Variants in ZFPM2 observed in about 807,000 individuals in gnomAD.
The protein encoded by ZFPM2 is zinc finger protein, FOG family member 2.
ZFPM2 carries 20 observed loss-of-function variants against 98.6 expected under a neutral mutation model. That is an observed-to-expected ratio of 0.20 (90% CI 0.14 to 0.29). The LOEUF (loss-of-function observed/expected upper bound fraction) is 0.29, where lower values mean the gene tolerates loss of function less well. Ranked by LOEUF, ZFPM2 falls within the 10% of genes least tolerant of loss-of-function variation. The probability of loss-of-function intolerance (pLI) is 1.00; values close to 1 mark genes in which losing one functional copy is unlikely to be tolerated. For synonymous variants in ZFPM2, 518 were observed against 502.7 expected, an observed-to-expected ratio of 1.03 and a Z score of -0.41; for missense variants, 1,310 against 1,388.6, an observed-to-expected ratio of 0.94 and a Z score of 0.90.
chr8:105,661,865 T>C (rs992560075), intron 5 of ZFPM2, among the ~76,000 whole-genome samples: 2 of 152,178 alleles, frequency 1.3e-5, no homozygotes, highest in African/African-American at 2.4e-5. Flanking sequence ...ACACGTTTAA[T>C]TGAGTTTTAC....
intron 5 of ZFPM2, among the ~76,000 whole-genome samples, chr8:105,670,648 C>G (rs977963467): frequency 6.6e-6 from 1 of 152,122 alleles, no homozygotes; most frequent in Non-Finnish European, 1.5e-5. Flanking sequence ...ATACATTACC[C>G]TGACCCCATC....
At chr8:105,574,650 C>A (rs1416750432) in intron 4 of ZFPM2, among the ~76,000 whole-genome samples, 2 of 152,082 alleles carry the variant, frequency 1.3e-5, no homozygotes, top group African/African-American at 4.8e-5. Flanking sequence ...AGAGCAGAGG[C>A]ACGTCACGTG....
chr8:105,462,166 T>C (rs1480025977), intron 3 of ZFPM2, among the ~76,000 whole-genome samples: 1 of 152,134 alleles, frequency 6.6e-6, no homozygotes, highest in Non-Finnish European at 1.5e-5. Context: ...GTTTAACTCA[T>C]CATGTATGTG....
intron 1 of ZFPM2, among the ~76,000 whole-genome samples, chr8:105,393,390 C>CTTTCTTTCTTTCTTT (rs1554600712): frequency 7.4e-6 from 1 of 134,516 alleles, no homozygotes; most frequent in South Asian, 2.4e-4. Flanking sequence ...TTCTTTCTTT[C>CTTTCTTTCTTTCTTT]TTCTTCAGAA....
intron 6 of ZFPM2, among the ~76,000 whole-genome samples, chr8:105,795,538 T>TTAGA (rs764883940): frequency 3.3e-5 from 5 of 151,480 alleles, no homozygotes; most frequent in Non-Finnish European, 5.9e-5. Flanking sequence ...CAAAGTTTGA[T>TTAGA]TAGATATACT....
chr8:105,703,883 A>G (rs1158444762), intron 5 of ZFPM2, among the ~76,000 whole-genome samples: 1 of 152,072 alleles, frequency 6.6e-6, no homozygotes, highest in South Asian at 2.1e-4. Context: ...CCCGCCCTTC[A>G]TTTTTATAAT....
At chr8:105,636,003 G>A (rs1586165244) in intron 5 of ZFPM2, among the ~76,000 whole-genome samples, 1 of 152,084 alleles carries the variant, frequency 6.6e-6, no homozygotes, top group East Asian at 1.9e-4. Context: ...AGTCATTTAT[G>A]TTTCATAAAC....
Position 105,803,556 on chromosome 8 carries a change from C to CGGGAT in ZFPM2, c.*18_*19insGGGAT, listed in dbSNP as rs891187111. The stretch of plus-strand genomic sequence containing the variant: ...TCAAATGAACTAACTAAACATCAGT[C>CGGGAT]ACCTTTGGTATCAGTGTTTAGTATG... On this transcript the variant is annotated 3_prime_UTR_variant, in exon 8 of 8. Coordinates refer to ENST00000407775, the MANE Select transcript of ZFPM2 (RefSeq NM_012082.4). 7.2e-5 allele frequency: 115 copies of CGGGAT among 1,588,572 alleles called. No individual in the cohort carries two copies. Among genetic ancestry groups the CGGGAT allele is most frequent in the Non-Finnish European group, 9.0e-5 (105 of 1,165,892 alleles).
chr8:105,496,647 A>T (rs1160375564), intron 3 of ZFPM2, among the ~76,000 whole-genome samples: 1 of 150,010 alleles, frequency 6.7e-6, no homozygotes, highest in South Asian at 2.1e-4. Flanking sequence ...ACTGCTGTTG[A>T]AGTGACTCTT....
intron 3 of ZFPM2, among the ~76,000 whole-genome samples, chr8:105,501,184 CTT>C (rs147662695): frequency 6.0e-4 from 77 of 127,344 alleles, no homozygotes; most frequent in East Asian, 2.2e-3. Flanking sequence ...TTACTTTTCT[CTT>C]TTTTTTTTTT....
intron 4 of ZFPM2, among the ~76,000 whole-genome samples, chr8:105,577,726 G>A (rs1423529286): frequency 6.0e-5 from 9 of 149,830 alleles, no homozygotes; most frequent in South Asian, 2.1e-4. Flanking sequence ...CACATAGAGC[G>A]TTATAAAAAG....
intron 1 of ZFPM2, among the ~76,000 whole-genome samples, chr8:105,369,346 G>A (rs1810573891): frequency 6.6e-6 from 1 of 152,026 alleles, no homozygotes; most frequent in Non-Finnish European, 1.5e-5. Context: ...TTTTTGATGG[G>A]GTATCATGCA....
intron 4 of ZFPM2, among the ~76,000 whole-genome samples, chr8:105,562,466 A>G (rs575202408): frequency 6.6e-6 from 1 of 152,212 alleles, no homozygotes; most frequent in Non-Finnish European, 1.5e-5. Flanking sequence ...TTAAAACAAC[A>G]TAAACTTATT....
intron 5 of ZFPM2, among the ~76,000 whole-genome samples, chr8:105,694,247 A>G (rs959048003): frequency 6.6e-6 from 1 of 151,856 alleles, no homozygotes; most frequent in African/African-American, 2.4e-5. Context: ...CGGCCTCCCA[A>G]AGTGCTGGGA....
chr8:105,741,541 G>A (rs755488738), intron 5 of ZFPM2, among the ~76,000 whole-genome samples: 4 of 152,052 alleles, frequency 2.6e-5, no homozygotes, highest in Admixed American at 2.0e-4. Context: ...TGGCACATCC[G>A]TGGTCATAGA....
intron 2 of ZFPM2, 94 bp downstream of exon 2, chr8:105,419,396 C>G: frequency 1.4e-6 from 2 of 1,416,166 alleles, no homozygotes; most frequent in Non-Finnish European, 9.5e-7. Context: ...AGTGCTGACA[C>G]ATAATTCAGC....
In ZFPM2 at chr8:105,520,670, C is replaced by T. The variant is rs1030767027; in HGVS notation, c.302-40693C>T. 5.3e-5 allele frequency among the ~76,000 whole-genome samples: 8 copies of T among 151,818 alleles called. No individual in the cohort carries two copies. In the East Asian group the frequency reaches 7.8e-4, roughly 15 times the overall value. On this transcript the variant is annotated intron_variant, in intron 3 of 7. Transcript: ENST00000407775. ...TAAGCATTGTCGTAGAGGAACAAAG[C>T]GTTCCAGTGATGTACTGGGGTGGAG...
intron 4 of ZFPM2, among the ~76,000 whole-genome samples, chr8:105,611,696 A>G (rs1008751243): frequency 6.6e-6 from 1 of 150,526 alleles, no homozygotes; most frequent in Non-Finnish European, 1.5e-5. Flanking sequence ...ATTAACAAAA[A>G]AAAATTTTTT....
intron 5 of ZFPM2, among the ~76,000 whole-genome samples, chr8:105,652,192 C>G (rs1041535537): frequency 1.3e-5 from 2 of 150,858 alleles, no homozygotes; most frequent in Admixed American, 1.3e-4. Context: ...TGTTTCAGCT[C>G]TTCACTAGGG....
Sources: allele counts gnomAD v4.1 joint callset (sites outside exome capture counted in the v4.1 genomes callset), GRCh38; gene constraint gnomAD v4.1.1; transcripts MANE v1.5; gene names NCBI Gene and HGNC (gene_info 2026-07-23, HGNC 2026-07-21).